The following CCDC178 variants were observed in gnomAD, a reference collection of about 807,000 sequenced individuals.
The protein encoded by CCDC178 is coiled-coil domain containing 178.
Under a neutral mutation model 117.4 loss-of-function variants are expected in CCDC178, and 126 were observed. That is an observed-to-expected ratio of 1.07 (90% CI 0.93 to 1.24). The LOEUF (loss-of-function observed/expected upper bound fraction) is 1.24. Among genes scored for constraint, CCDC178 ranks in the 50% most tolerant of loss-of-function variants. The probability of loss-of-function intolerance (pLI) is 0.00; values close to 1 mark genes in which losing one functional copy is unlikely to be tolerated. For missense variants in CCDC178, 1,030 were observed against 986.9 expected (o/e 1.04, Z -0.59); for synonymous variants, 283 against 313.4 (o/e 0.90, Z 1.02).
intron 21 of CCDC178, among the ~76,000 whole-genome samples, chr18:33,038,674 A>AT (rs1207910142): frequency 1.3e-5 from 2 of 151,974 alleles, no homozygotes; most frequent in African/African-American, 2.4e-5. Context: ...TAAGAACTGG[A>AT]TTTTTTTGCA....
chr18:33,098,977 A>G (rs1264726776), intron 20 of CCDC178, among the ~76,000 whole-genome samples: 4 of 151,992 alleles, frequency 2.6e-5, no homozygotes, highest in Admixed American at 6.6e-5. Context: ...AGAAGAAAAA[A>G]AAATCATTGA....
chr18:33,380,523 T>G (rs1203839499), intron 5 of CCDC178, among the ~76,000 whole-genome samples: 1 of 152,136 alleles, frequency 6.6e-6, no homozygotes, highest in Non-Finnish European at 1.5e-5. Context: ...CCAAGTTAGC[T>G]CCAGGGCTTG....
chr18:33,105,173 A>C (rs924401797), intron 20 of CCDC178, among the ~76,000 whole-genome samples: 1 of 151,720 alleles, frequency 6.6e-6, no homozygotes, highest in Non-Finnish European at 1.5e-5. Flanking sequence ...TTGTGCATAC[A>C]TATTGGTATG....
At position 33,092,918 on chromosome 18, in the gene CCDC178, G is replaced by A. The variant is rs752539360; in HGVS notation, c.2239-8C>T. 6.6e-7 allele frequency: 1 copy of A among 1,504,648 alleles called. No individual in the cohort carries two copies. Among genetic ancestry groups the A allele is most frequent in the Admixed American group, 2.3e-5 (1 of 43,864 alleles). 93.2% of individuals were successfully genotyped at this position (1,504,648 alleles called of 1,614,324 possible). On this transcript the variant is annotated splice_polypyrimidine_tract_variant and splice_region_variant and intron_variant, in intron 20 of 22. Transcript: ENST00000383096. ...TGAATCAGCTATTATTTTCTAGAAG[G>A]TAAAAAAATATAATTGAATTGTGTG...
chr18:33,066,459 A>T lies in CCDC178; in HGVS notation c.2388+26302T>A, dbSNP rs1351079200. On this transcript the variant is annotated intron_variant, in intron 21 of 22. Coordinates refer to ENST00000383096, the MANE Select transcript of CCDC178 (RefSeq NM_001105528.4). ...TATAACACAGTGATAATTAACTAGT[A>T]TAATTAAGACAATAAAATGATAGCA... Among the ~76,000 whole-genome samples the T allele has an allele frequency of 2.6e-5, 4 of 152,242 alleles. No individual in the cohort carries two copies. The East Asian group carries it at 7.7e-4, about 29-fold the overall frequency.
intron 6 of CCDC178, among the ~76,000 whole-genome samples, chr18:33,358,078 C>T (rs1326201881): frequency 6.6e-6 from 1 of 151,946 alleles, no homozygotes; most frequent in Non-Finnish European, 1.5e-5. Context: ...ATACTGAATG[C>T]TGTAGGCAAG....
At chr18:33,279,265 T>C (rs1244498259) in intron 12 of CCDC178, among the ~76,000 whole-genome samples, 1 of 152,106 alleles carries the variant, frequency 6.6e-6, no homozygotes, top group Non-Finnish European at 1.5e-5. Flanking sequence ...AGTCTCAGGA[T>C]ACAAAATCAA....
At chr18:33,203,995 C>A (rs2059021145) in intron 20 of CCDC178, among the ~76,000 whole-genome samples, 1 of 152,196 alleles carries the variant, frequency 6.6e-6, no homozygotes, top group African/African-American at 2.4e-5. Context: ...CCTCAAAATC[C>A]CAGTGGCTTC....
chr18:33,102,163 T>C (rs1362549007), intron 20 of CCDC178, among the ~76,000 whole-genome samples: 2 of 151,866 alleles, frequency 1.3e-5, no homozygotes, highest in African/African-American at 4.8e-5. Flanking sequence ...AAAAAATTTT[T>C]CTACATCGAT....
intron 3 of CCDC178, among the ~76,000 whole-genome samples, chr18:33,407,867 T>C (rs1488461535): frequency 5.3e-5 from 8 of 151,876 alleles, no homozygotes; most frequent in Non-Finnish European, 1.2e-4. Context: ...AAATATATTA[T>C]CTTTTTTGGA....
chr18:33,364,306 G>A (rs2063170635), intron 6 of CCDC178, among the ~76,000 whole-genome samples: 1 of 151,990 alleles, frequency 6.6e-6, no homozygotes, highest in Admixed American at 6.6e-5. Flanking sequence ...AAAGATAAAT[G>A]GTTACTTTGC....
At chr18:33,157,569 T>A (rs1262827520) in intron 20 of CCDC178, among the ~76,000 whole-genome samples, 1 of 152,182 alleles carries the variant, frequency 6.6e-6, no homozygotes, top group Non-Finnish European at 1.5e-5. Context: ...TAAAAAACAA[T>A]CTAACAGTAA....
chr18:33,009,361 T>C (rs1598782990), intron 21 of CCDC178, among the ~76,000 whole-genome samples: 1 of 152,144 alleles, frequency 6.6e-6, no homozygotes, highest in Non-Finnish European at 1.5e-5. Flanking sequence ...CAATGGTCTT[T>C]AGGTCTCTAA....
intron 20 of CCDC178, among the ~76,000 whole-genome samples, chr18:33,133,698 A>T (rs137887433): frequency 6.8e-4 from 104 of 152,090 alleles, no homozygotes; most frequent in Middle Eastern, 3.4e-3. Flanking sequence ...CCAAGAAGCC[A>T]CATTTCACAG....
intron 20 of CCDC178, among the ~76,000 whole-genome samples, chr18:33,097,062 T>C (rs1167514380): frequency 6.6e-6 from 1 of 152,130 alleles, no homozygotes; most frequent in Non-Finnish European, 1.5e-5. Context: ...TATCACTCCC[T>C]ATCCAAAGGT....
intron 7 of CCDC178, 97 bp from the exon 8 acceptor site, chr18:33,349,072 G>A (rs1453870040): frequency 1.3e-5 from 9 of 688,252 alleles, no homozygotes; most frequent in Non-Finnish European, 1.9e-5. Flanking sequence ...AATATTTGTG[G>A]TGAAACTTAC....
chr18:33,065,841 T>C (rs1039782441), intron 21 of CCDC178, among the ~76,000 whole-genome samples: 8 of 151,210 alleles, frequency 5.3e-5, no homozygotes, highest in African/African-American at 1.9e-4. Context: ...AAGACTGTTA[T>C]ACCTAGCAAA....
At chr18:32,952,137 C>T (rs919275446) in intron 22 of CCDC178, among the ~76,000 whole-genome samples, 9 of 152,116 alleles carry the variant, frequency 5.9e-5, no homozygotes, top group East Asian at 5.8e-4. Flanking sequence ...TGCAAGCTGT[C>T]GGTGAATCTA....
chr18:33,371,414 TTATTATCTTGATTTCATAGATGAGGAAA>T (rs1197453726), intron 5 of CCDC178, among the ~76,000 whole-genome samples: 3 of 151,938 alleles, frequency 2.0e-5, no homozygotes, highest in Admixed American at 6.6e-5. Context: ...TAAAATGGGA[TTATTATCTTGATTTCATAGATGAGGAAA>T]TCAAGGCTTA....
Sources: gnomAD v4.1 joint callset for allele counts (sites outside exome capture counted in the v4.1 genomes callset) on GRCh38, gnomAD v4.1.1 for gene constraint, MANE v1.5 for transcripts, NCBI Gene and HGNC (gene_info 2026-07-23, HGNC 2026-07-21) for gene names.